The following SLC14A1 variants were observed in gnomAD, a reference collection of about 807,000 sequenced individuals.
SLC14A1 encodes solute carrier family 14 member 1 (Kidd blood group).
SLC14A1 carries 36 observed loss-of-function variants against 39.6 expected under a neutral mutation model. That is an observed-to-expected ratio of 0.91 (90% CI 0.70 to 1.20). SLC14A1 has a LOEUF of 1.20. SLC14A1 is among the 50% of genes most tolerant of loss of function. The pLI is 0.00. For missense variants in SLC14A1, 469 were observed against 478.7 expected (o/e 0.98, Z 0.19); for synonymous variants, 164 against 173.6 (o/e 0.94, Z 0.43).
At chr18:45,739,695 T>C in intron 8 of SLC14A1, 33 bp downstream of exon 8, 2 of 1,613,924 alleles carry the variant, frequency 1.2e-6, no homozygotes, top group Non-Finnish European at 1.7e-6. Context: ...GGAGGGCTGC[T>C]CATGACTACA....
chr18:45,736,419 G>C (rs1363406830), intron 5 of SLC14A1, 37 bp from the exon 6 acceptor site: 1 of 1,605,000 alleles, frequency 6.2e-7, no homozygotes, highest in African/African-American at 1.3e-5. Flanking sequence ...AGCCTGCTTT[G>C]TCACATGCAC....
intron 3 of SLC14A1, 109 bp downstream of exon 3, chr18:45,730,580 T>C: frequency 8.4e-7 from 1 of 1,195,656 alleles, no homozygotes; most frequent in Non-Finnish European, 1.2e-6. Flanking sequence ...TTTTTATAGA[T>C]CTCTTTACTC....
chr18:45,727,213 C>A, intron 2 of SLC14A1: 2 of 1,529,892 alleles, frequency 1.3e-6, no homozygotes, highest in Non-Finnish European at 1.8e-6. Context: ...AGAGCTAGGG[C>A]ACACGTCATG....
At chr18:45,730,919 TC>T (rs1233761624) in intron 3 of SLC14A1, 95 bp from the exon 4 acceptor site, 1 of 1,029,174 alleles carries the variant, frequency 9.7e-7, no homozygotes, top group East Asian at 2.4e-5. Flanking sequence ...ATGTTTCACT[TC>T]CAGGAGGTTT....
chr18:45,727,501 T>A, intron 2 of SLC14A1: 1 of 1,433,984 alleles, frequency 7.0e-7, no homozygotes. Flanking sequence ...GGGCAGAGCC[T>A]GGGAAGTGGG....
rs2047672377 is a variant in SLC14A1, at chr18:45,750,288, A to C, written c.*337A>C. On this transcript the variant is annotated 3_prime_UTR_variant, in exon 10 of 10. Coordinates refer to ENST00000321925, the MANE Select transcript of SLC14A1 (RefSeq NM_015865.7). Reference sequence around the variant, plus strand: ...GTATTTATTGATATTCTTGGTGTTTAGCTGGCTCGATGATGTTAACAGTAT... The same window carrying C: ...GTATTTATTGATATTCTTGGTGTTTCGCTGGCTCGATGATGTTAACAGTAT... 2.6e-5 allele frequency: 32 copies of C among 1,218,938 alleles called. No homozygotes were observed. Among genetic ancestry groups the C allele is most frequent in the Non-Finnish European group, 3.1e-5 (30 of 969,476 alleles). The allele number at this position is 1,218,938 out of a possible 1,614,324, so 75.5% of individuals were successfully genotyped here.
At position 45,749,889 on chromosome 18, in the gene SLC14A1, C is replaced by T; in HGVS notation, c.1108C>T (p.Pro370Ser). The T allele has an allele frequency of 6.2e-7, 1 of 1,614,138 alleles. No individual in the cohort carries two copies. The highest frequency in any genetic ancestry group is 8.5e-7 in the Non-Finnish European group (1 of 1,180,014). ...GATGCCCCTCAGTAAAGTTACTTAT[C>T]CTGAAGAAAACCGCATCTTCTACCT... The part of the protein sequence containing the change: ...YKMPLSKVTY[P>S]EENRIFYLQA... Residue 370 changes from proline (P) to serine (S), a missense_variant, in exon 10 of 10, where the codon CCT (proline) becomes TCT (serine). By Grantham distance (74) the Pro-to-Ser change is moderately conservative (BLOSUM62 -1). Coordinates refer to ENST00000321925, the MANE Select transcript of SLC14A1 (RefSeq NM_015865.7).
chr18:45,749,477 T>C (rs2047649804), intron 9 of SLC14A1, among the ~76,000 whole-genome samples: 1 of 152,098 alleles, frequency 6.6e-6, no homozygotes, highest in South Asian at 2.1e-4. Context: ...AGTTTGCAAG[T>C]GTCATCTCTG....
intron 2 of SLC14A1, chr18:45,729,480 C>T (rs893767842): frequency 2.0e-5 from 3 of 152,186 alleles, no homozygotes; most frequent in Non-Finnish European, 2.9e-5. Context: ...TTATAGTGTT[C>T]ATACGTTCCA....
In SLC14A1 at chr18:45,730,418, A is replaced by G. The variant is rs771660456; in HGVS notation, c.98A>G (p.Lys33Arg). ...SPCQGRRCFP[K>R]ALGYVTGDMK... ...TGTCAAGGGAGAAGGTGCTTCCCCA[A>G]AGCTCTTGGCTATGTCACCGGTGAC... The change falls in exon 3 of 10, where the codon AAA becomes AGA. Residue 33 changes from lysine to arginine, a missense_variant. Physicochemically the swap from Lys to Arg is conservative, Grantham distance 26. Transcript: ENST00000321925. The G allele has an allele frequency of 1.1e-5, 18 of 1,614,098 alleles. No homozygotes were observed. In the South Asian group the frequency reaches 2.0e-4, roughly 18 times the overall value.
At position 45,751,053 on chromosome 18, in the gene SLC14A1, T is replaced by G; in HGVS notation, c.*1102T>G. On this transcript the variant is annotated 3_prime_UTR_variant, in exon 10 of 10. Transcript: ENST00000321925. ...TGGCATTTGAACCACCAAAAAGAAATAAAGGGCTGAGTGCGGTGGCTCACG... is the reference window on the plus strand; with the variant it reads ...TGGCATTTGAACCACCAAAAAGAAAGAAAGGGCTGAGTGCGGTGGCTCACG... 1 of 983,980 alleles carries G rather than the reference T, an allele frequency of 1.0e-6. No homozygotes were observed. The highest frequency in any genetic ancestry group is 1.7e-5 in the African/African-American group (1 of 57,320). 61.0% of individuals were successfully genotyped at this position (983,980 alleles called of 1,614,324 possible). A position where few individuals can be genotyped will look rare whatever the true frequency, so the allele number is the denominator to read the frequency against.
chr18:45,750,661 G>A lies in SLC14A1; in HGVS notation c.*710G>A. ...TCAGAGATTGCAAAGGATTTTTTAG[G>A]TAGAGATTATTTTTCCTTATGAAAA... On this transcript the variant is annotated 3_prime_UTR_variant, in exon 10 of 10. Transcript: ENST00000321925. 3 of 985,618 alleles carry A rather than the reference G, an allele frequency of 3.0e-6. No individual in the cohort carries two copies. Among genetic ancestry groups the A allele is most frequent in the South Asian group, 4.7e-5 (1 of 21,284 alleles). 61.1% of individuals were successfully genotyped at this position (985,618 alleles called of 1,614,324 possible).
At chr18:45,728,439 A>G (rs2046932112) in intron 2 of SLC14A1, among the ~76,000 whole-genome samples, 1 of 152,180 alleles carries the variant, frequency 6.6e-6, no homozygotes, top group Non-Finnish European at 1.5e-5. Flanking sequence ...TCAGTTCCAG[A>G]AACTCAAGGC....
At position 45,726,545 on chromosome 18, in the gene SLC14A1, A is replaced by C. The variant is rs146125407; in HGVS notation, c.-22+1532A>C. ...CATGATGACTTATGCCTGTAATCCC[A>C]GTGTTTTGGGAGGCTAAGGTGGGAG... On this transcript the variant is annotated intron_variant, in intron 2 of 9. Transcript: ENST00000321925. 1.3e-3 allele frequency among the ~76,000 whole-genome samples: 203 copies of C among 152,300 alleles called. No individual in the cohort carries two copies. The East Asian group carries it at 0.014, about 10-fold the overall frequency.
At chr18:45,743,205 A>G (rs1465539906) in intron 8 of SLC14A1, among the ~76,000 whole-genome samples, 1 of 152,222 alleles carries the variant, frequency 6.6e-6, no homozygotes, top group Non-Finnish European at 1.5e-5. Flanking sequence ...CCCCCTTCTT[A>G]TAAGGATCCT....
In SLC14A1 at chr18:45,751,433, T is replaced by A. The variant is rs1291126286; in HGVS notation, c.*1482T>A. 6.1e-6 allele frequency: 6 copies of A among 984,780 alleles called. No individual in the cohort carries two copies. Among genetic ancestry groups the A allele is most frequent in the Non-Finnish European group, 7.2e-6 (6 of 829,888 alleles). The allele number at this position is 984,780 out of a possible 1,614,324, so 61.0% of individuals were successfully genotyped here. On this transcript the variant is annotated 3_prime_UTR_variant, in exon 10 of 10. Coordinates refer to ENST00000321925, the MANE Select transcript of SLC14A1 (RefSeq NM_015865.7). ...ATTCCCCTGTTTTCCTCTCTTTAAT[T>A]TTAAAGTTATCAGTTCCGTAAAGTC...
intron 8 of SLC14A1, among the ~76,000 whole-genome samples, chr18:45,740,705 A>AT (rs1013116981): frequency 6.6e-6 from 1 of 151,326 alleles, no homozygotes; most frequent in African/African-American, 2.4e-5. Flanking sequence ...TGCCTGGTTA[A>AT]TTTTTTATTT....
chr18:45,731,571 G>T (rs2047031353), intron 4 of SLC14A1: 1 of 340,316 alleles, frequency 2.9e-6, no homozygotes, highest in Non-Finnish European at 5.7e-6. Flanking sequence ...AGTTTTAGTG[G>T]CTTAATAACC....
At position 45,740,024 on chromosome 18, in the gene SLC14A1, G is replaced by T. The variant is rs28898884; in HGVS notation, c.946+362G>T. Among the ~76,000 whole-genome samples, 584 of 152,292 alleles carry T rather than the reference G, an allele frequency of 3.8e-3. 4 individuals are homozygous for T. The highest frequency in any genetic ancestry group is 0.014 in the African/African-American group (563 of 41,552). On this transcript the variant is annotated intron_variant, in intron 8 of 9. Transcript: ENST00000321925. ...CATGCCTTCTCAAAGCTCCCCCTGT[G>T]CTCACGGGCTCTCCAGCTTGCACTG...
Sources: gnomAD v4.1 joint callset for allele counts (sites outside exome capture counted in the v4.1 genomes callset) on GRCh38, gnomAD v4.1.1 for gene constraint, MANE v1.5 for transcripts, NCBI Gene and HGNC (gene_info 2026-07-23, HGNC 2026-07-21) for gene names.